The following KHDRBS3 variants were observed in gnomAD, a reference collection of about 807,000 sequenced individuals.
The protein encoded by KHDRBS3 is KH RNA binding domain containing, signal transduction associated 3.
A neutral mutation model predicts 45.6 loss-of-function variants in KHDRBS3; 23 were observed. That is an observed-to-expected ratio of 0.50 (90% CI 0.36 to 0.72). The LOEUF (loss-of-function observed/expected upper bound fraction) is 0.72, where lower values mean the gene tolerates loss of function less well. Ranked by LOEUF, KHDRBS3 falls within the 30% of genes least tolerant of loss-of-function variation. KHDRBS3 has a pLI of 0.00. For missense variants in KHDRBS3, 352 were observed against 424.8 expected (o/e 0.83, Z 1.51); for synonymous variants, 162 against 156.5 (o/e 1.04, Z -0.26).
intron 5 of KHDRBS3, among the ~76,000 whole-genome samples, chr8:135,581,326 C>T (rs1828196467): frequency 6.6e-6 from 1 of 152,226 alleles, no homozygotes. Flanking sequence ...AATTCTACCT[C>T]AGAAAATGCC....
intron 6 of KHDRBS3, among the ~76,000 whole-genome samples, chr8:135,606,188 A>G (rs1406060756): frequency 6.6e-6 from 1 of 152,000 alleles, no homozygotes; most frequent in Non-Finnish European, 1.5e-5. Flanking sequence ...AAGGTCAACC[A>G]GAAGAGAGAG....
chr8:135,642,180 A>T (rs75233349), intron 7 of KHDRBS3, among the ~76,000 whole-genome samples: 1 of 152,210 alleles, frequency 6.6e-6, no homozygotes, highest in Non-Finnish European at 1.5e-5. Context: ...GGCCATGTCA[A>T]AGTGGGAACC....
intron 1 of KHDRBS3, among the ~76,000 whole-genome samples, chr8:135,495,358 A>G (rs1053022032): frequency 3.3e-5 from 5 of 152,164 alleles, no homozygotes; most frequent in African/African-American, 7.2e-5. Flanking sequence ...GGGGCAAGCT[A>G]TGTTCTCTTG....
At chr8:135,498,176 G>A (rs1370103439) in intron 1 of KHDRBS3, among the ~76,000 whole-genome samples, 1 of 152,102 alleles carries the variant, frequency 6.6e-6, no homozygotes, top group East Asian at 1.9e-4. Flanking sequence ...CTGCTCCAAG[G>A]AACTGAAGCT....
intron 5 of KHDRBS3, among the ~76,000 whole-genome samples, chr8:135,570,043 G>A (rs925835777): frequency 2.6e-5 from 4 of 151,936 alleles, no homozygotes; most frequent in Admixed American, 6.6e-5. Flanking sequence ...GCAGCCTTAC[G>A]GGGCAATTCT....
At chr8:135,636,088 A>G (rs989411073) in intron 7 of KHDRBS3, among the ~76,000 whole-genome samples, 1 of 152,216 alleles carries the variant, frequency 6.6e-6, no homozygotes, top group Non-Finnish European at 1.5e-5. Context: ...AATGTGAACC[A>G]GATACCCAAG....
intron 1 of KHDRBS3, among the ~76,000 whole-genome samples, chr8:135,478,412 A>G (rs949555371): frequency 2.0e-5 from 3 of 152,230 alleles, no homozygotes; most frequent in Admixed American, 6.5e-5. Context: ...TGAATGATGT[A>G]TACAACAACT....
chr8:135,565,801 A>G (rs550910354), intron 5 of KHDRBS3, among the ~76,000 whole-genome samples: 2 of 152,266 alleles, frequency 1.3e-5, no homozygotes, highest in South Asian at 2.1e-4. Flanking sequence ...GCTGCTCAGC[A>G]TGCCCCCTGC....
chr8:135,599,446 T>C (rs190861978), intron 6 of KHDRBS3, among the ~76,000 whole-genome samples: 3 of 152,344 alleles, frequency 2.0e-5, no homozygotes, highest in Admixed American at 2.0e-4. Context: ...GAAAATGATA[T>C]AGGTGAGTTC....
intron 7 of KHDRBS3, among the ~76,000 whole-genome samples, chr8:135,621,751 T>A (rs1324798446): frequency 6.7e-6 from 1 of 149,750 alleles, no homozygotes; most frequent in Non-Finnish European, 1.5e-5. Flanking sequence ...ATTGACTTGG[T>A]GTGCATTGGT....
intron 1 of KHDRBS3, among the ~76,000 whole-genome samples, chr8:135,481,250 A>ATATATATATATATATATATATATTTT (rs1285436029): frequency 8.0e-6 from 1 of 125,562 alleles, no homozygotes; most frequent in African/African-American, 3.3e-5. Flanking sequence ...ATATATATAT[A>ATATATATATATATATATATATATTTT]TTTAATGTAA....
chr8:135,643,040 G>A (rs929843325), intron 7 of KHDRBS3, among the ~76,000 whole-genome samples: 27 of 151,978 alleles, frequency 1.8e-4, no homozygotes, highest in Non-Finnish European at 3.2e-4. Flanking sequence ...TGATCCGCCC[G>A]CCTCAGCCTC....
chr8:135,656,019 T>C (rs577991540), intron 4 of KHDRBS3, among the ~76,000 whole-genome samples: 1 of 152,312 alleles, frequency 6.6e-6, no homozygotes, highest in African/African-American at 2.4e-5. Context: ...ATTAAACCAG[T>C]TAATCATTTG....
At chr8:135,561,579 G>C (rs1827169379) in intron 5 of KHDRBS3, among the ~76,000 whole-genome samples, 1 of 150,736 alleles carries the variant, frequency 6.6e-6, no homozygotes, top group Non-Finnish European at 1.5e-5. Flanking sequence ...AGTTCTCCCA[G>C]ATAATTTTCA....
At chr8:135,652,837 G>A (rs1298359586) in intron 4 of KHDRBS3, among the ~76,000 whole-genome samples, 2 of 152,150 alleles carry the variant, frequency 1.3e-5, no homozygotes, top group African/African-American at 4.8e-5. Context: ...TATCTTTAGG[G>A]CAATTACCAT....
intron 1 of KHDRBS3, among the ~76,000 whole-genome samples, chr8:135,470,453 A>G (rs938988294): frequency 4.6e-5 from 7 of 151,990 alleles, no homozygotes; most frequent in Non-Finnish European, 1.0e-4. Context: ...CCTGTGTTAC[A>G]CGGTTTCTAA....
At chr8:135,510,857 C>T (rs1175650540) in intron 1 of KHDRBS3, among the ~76,000 whole-genome samples, 7 of 152,186 alleles carry the variant, frequency 4.6e-5, no homozygotes, top group Non-Finnish European at 8.8e-5. Flanking sequence ...AGTTTGCTTC[C>T]GTATGAACCC....
intron 2 of KHDRBS3, among the ~76,000 whole-genome samples, chr8:135,537,137 G>A (rs1432791758): frequency 1.3e-5 from 2 of 152,176 alleles, no homozygotes; most frequent in Non-Finnish European, 1.5e-5. Context: ...GTAGGTGGCA[G>A]GCTTCAGGCT....
chr8:135,593,915 G>A (rs1291495255), intron 6 of KHDRBS3, among the ~76,000 whole-genome samples: 2 of 152,142 alleles, frequency 1.3e-5, no homozygotes, highest in Non-Finnish European at 2.9e-5. Context: ...CTTTAGAGGA[G>A]ACAACATTTA....
Sources: gnomAD v4.1 joint callset for allele counts (sites outside exome capture counted in the v4.1 genomes callset) on GRCh38, gnomAD v4.1.1 for gene constraint, MANE v1.5 for transcripts, NCBI Gene and HGNC (gene_info 2026-07-23, HGNC 2026-07-21) for gene names.